The following FCRL3 variants were observed in gnomAD, a reference collection of about 807,000 sequenced individuals.
FCRL3 encodes the protein Fc receptor like 3, also known as Fc receptor-like protein 3.
In FCRL3, 89 loss-of-function variants were observed where a neutral mutation model predicts 75.0. The ratio of observed to expected loss-of-function variants is 1.19; its 90% CI spans 1.00 to 1.42. The LOEUF is 1.42. FCRL3 is among the 40% of genes most tolerant of loss of function. The pLI, the probability that FCRL3 is intolerant of heterozygous loss-of-function variation, is 0.00. For synonymous variants in FCRL3, 376 were observed against 348.5 expected (o/e 1.08, Z -0.88); for missense variants, 946 against 880.0 (o/e 1.07, Z -0.95).
chr1:157,691,071 A>T (rs1046159959), intron 8 of FCRL3, among the ~76,000 whole-genome samples: 2 of 152,064 alleles, frequency 1.3e-5, no homozygotes, highest in African/African-American at 2.4e-5. Flanking sequence ...ATGATTCCCC[A>T]ATAGGATGGA....
At chr1:157,695,694 C>T (rs750889825) in intron 7 of FCRL3, 87 bp from the exon 8 acceptor site, 38 of 1,401,044 alleles carry the variant, frequency 2.7e-5, no homozygotes, top group Non-Finnish European at 3.4e-5. Flanking sequence ...TGGATATGTC[C>T]CTTGTCCCTT....
In FCRL3 at chr1:157,690,553, T is replaced by A; in HGVS notation, c.1412-20A>T. 1 of 1,611,452 alleles carries A rather than the reference T, an allele frequency of 6.2e-7. No homozygotes were observed. On this transcript the variant is annotated intron_variant, in intron 8 of 14. Transcript: ENST00000368184. ...CCGGAACTGAGGGAGGAAAAATAGTTCACTGGCAGTTTTACTTAAGTAGGT... is the reference window on the plus strand; with the variant it reads ...CCGGAACTGAGGGAGGAAAAATAGTACACTGGCAGTTTTACTTAAGTAGGT...
At position 157,677,125 on chromosome 1, in the gene FCRL3, G is replaced by GGGAGCA; in HGVS notation, c.*1579_*1584dup. On this transcript the variant is annotated 3_prime_UTR_variant, in exon 15 of 15. Coordinates refer to ENST00000368184, the MANE Select transcript of FCRL3 (RefSeq NM_052939.4). ...CAGGATAAGGGTAACAGAGGCCAGT[G>GGGAGCA]GGAGCAGTGTGGATTGATCATCACA... 9.4e-7 allele frequency: 1 copy of GGGAGCA among 1,068,332 alleles called. No homozygotes were observed. Among genetic ancestry groups the GGGAGCA allele is most frequent in the Non-Finnish European group, 1.1e-6 (1 of 877,032 alleles). 66.2% of individuals were successfully genotyped at this position (1,068,332 alleles called of 1,614,324 possible). A position where few individuals can be genotyped will look rare whatever the true frequency, so the allele number is the denominator to read the frequency against.
In FCRL3 at chr1:157,677,672, T is replaced by TA. The variant is rs1214350875; in HGVS notation, c.*1037dup. On this transcript the variant is annotated 3_prime_UTR_variant, in exon 15 of 15. Coordinates refer to ENST00000368184, the MANE Select transcript of FCRL3 (RefSeq NM_052939.4). The stretch of plus-strand genomic sequence containing the variant: ...AACAGCAATAAAAACAAATGAACTA[T>TA]AGCAACACGCAACAATATGGATGAA... 3 of 880,002 alleles carry TA rather than the reference T, an allele frequency of 3.4e-6. No homozygotes were observed. The allele number at this position is 880,002 out of a possible 1,614,324, so 54.5% of individuals were successfully genotyped here.
intron 8 of FCRL3, chr1:157,691,994 T>C (rs1350001381): frequency 1.3e-5 from 2 of 152,186 alleles, no homozygotes; most frequent in African/African-American, 4.8e-5. Flanking sequence ...TATTCAGCTT[T>C]ACTAATATTC....
chr1:157,681,246 TTTA>T, intron 11 of FCRL3, 147 bp from the exon 12 acceptor site: 2 of 439,896 alleles, frequency 4.5e-6, no homozygotes, highest in Non-Finnish European at 7.9e-6. Context: ...TTTTTTTAAT[TTTA>T]TTATTATTAT....
At position 157,677,410 on chromosome 1, in the gene FCRL3, G is replaced by T. The variant is rs1654527858; in HGVS notation, c.*1300C>A. ...GTGTTCCTACATGAACCAAGTGAAG[G>T]CCTAGAATTGGCAACATTCAGAGAT... On this transcript the variant is annotated 3_prime_UTR_variant, in exon 15 of 15. Transcript: ENST00000368184. The T allele has an allele frequency of 2.0e-6, 2 of 985,514 alleles. No homozygotes were observed. The highest frequency in any genetic ancestry group is 2.4e-6 in the Non-Finnish European group (2 of 830,010). 61.0% of individuals were successfully genotyped at this position (985,514 alleles called of 1,614,324 possible).
chr1:157,680,684 G>T lies in FCRL3; in HGVS notation c.2026+18C>A, dbSNP rs1400667488. The stretch of plus-strand genomic sequence containing the variant: ...AAACACTGCCACCTCACCTCTATTT[G>T]CCTGAAAGGCATCTTACCTGAGTTT... On this transcript the variant is annotated intron_variant, in intron 13 of 14. Coordinates refer to ENST00000368184, the MANE Select transcript of FCRL3 (RefSeq NM_052939.4). 2 of 1,610,800 alleles carry T rather than the reference G, an allele frequency of 1.2e-6. No individual in the cohort carries two copies.
intron 13 of FCRL3, among the ~76,000 whole-genome samples, chr1:157,680,227 GGCAAAGATCAT>G (rs1439914925): frequency 3.3e-5 from 5 of 152,152 alleles, no homozygotes; most frequent in Non-Finnish European, 7.3e-5. Flanking sequence ...GCGTGCAGAA[GGCAAAGATCAT>G]GCTTTGGAAT....
At chr1:157,683,487 G>A (rs1297808815) in intron 10 of FCRL3, among the ~76,000 whole-genome samples, 1 of 152,130 alleles carries the variant, frequency 6.6e-6, no homozygotes, top group East Asian at 1.9e-4. Context: ...TCAGTAATAG[G>A]TGAATAGCAA....
rs1654555994 is a variant in FCRL3 at position 157,677,829 on chromosome 1, T to A, written c.*881A>T. 1.8e-6 allele frequency: 1 copy of A among 544,846 alleles called. No homozygotes were observed. The highest frequency in any genetic ancestry group is 6.4e-5 in the Admixed American group (1 of 15,672). The allele number at this position is 544,846 out of a possible 1,614,324, so 33.8% of individuals were successfully genotyped here. On this transcript the variant is annotated 3_prime_UTR_variant, in exon 15 of 15. Transcript: ENST00000368184. The stretch of plus-strand genomic sequence containing the variant: ...TGTAGATACATTAATATGATAGAAA[T>A]AGGAGAGCATGGGAATAATGAACAT...
chr1:157,681,077 C>T lies in FCRL3; in HGVS notation c.1861G>A (p.Glu621Lys), dbSNP rs1372369229. The T allele has an allele frequency of 6.3e-7, 1 of 1,597,972 alleles. No homozygotes were observed. Among genetic ancestry groups the T allele is most frequent in the Non-Finnish European group, 8.5e-7 (1 of 1,174,750 alleles). The stretch of plus-strand genomic sequence containing the variant: ...CTGGAAGGCCTGGACGAGGAAGGCT[C>T]CTGACACTCACTAGGACTGTGACTG... ...TSSHSPSECQ[E>K]PSSSRPSRID... The change falls in exon 12 of 15, where the codon GAG becomes AAG. Residue 621 changes from glutamate to lysine, a missense_variant. Coordinates refer to ENST00000368184, the MANE Select transcript of FCRL3 (RefSeq NM_052939.4).
chr1:157,676,632 AATTTGCAC>A lies in FCRL3; in HGVS notation c.*2070_*2077del, dbSNP rs1654471988. 1 of 1,316,194 alleles carries A rather than the reference AATTTGCAC, an allele frequency of 7.6e-7. No homozygotes were observed. The highest frequency in any genetic ancestry group is 2.0e-5 in the Admixed American group (1 of 49,228). The allele number at this position is 1,316,194 out of a possible 1,614,324, so 81.5% of individuals were successfully genotyped here. A position where few individuals can be genotyped will look rare whatever the true frequency, so the allele number is the denominator to read the frequency against. ...TTCATTTTACAGGGCAATCAATCAG[AATTTGCAC>A]ATTTGTTATATCCGAGATGTACAGT... On this transcript the variant is annotated 3_prime_UTR_variant, in exon 15 of 15. Coordinates refer to ENST00000368184, the MANE Select transcript of FCRL3 (RefSeq NM_052939.4).
At position 157,697,939 on chromosome 1, in the gene FCRL3, A is replaced by C. The variant is rs757532565; in HGVS notation, c.299-20T>G. 6.2e-7 allele frequency: 1 copy of C among 1,610,692 alleles called. No homozygotes were observed. Among genetic ancestry groups the C allele is most frequent in the Non-Finnish European group, 8.5e-7 (1 of 1,178,760 alleles). On this transcript the variant is annotated intron_variant, in intron 4 of 14. Transcript: ENST00000368184. ...GCCAGTCTGCAAAGAGCACAGGAGC[A>C]CACTCAGGTTATCCCCTGCTGTTTC... is the stretch of plus-strand genomic sequence containing the variant.
At position 157,698,605 on chromosome 1, in the gene FCRL3, A is replaced by C; in HGVS notation, c.77T>G (p.Leu26Arg). 2 of 1,614,046 alleles carry C rather than the reference A, an allele frequency of 1.2e-6. No individual in the cohort carries two copies. The change falls in exon 4 of 15, where the codon CTC becomes CGC. Residue 26 changes from leucine (L) to arginine (R), a missense_variant. Coordinates refer to ENST00000368184, the MANE Select transcript of FCRL3 (RefSeq NM_052939.4). Reference sequence around the variant, plus strand: ...GGCTGTGGACCATGGAGGATTGAGGAGAAGTACAGCTTTTGGGGCCACCCC... The same window carrying C: ...GGCTGTGGACCATGGAGGATTGAGGCGAAGTACAGCTTTTGGGGCCACCCC... ...QSGVAPKAVL[L>R]LNPPWSTAFK...
chr1:157,691,488 A>C (rs1413046980), intron 8 of FCRL3, among the ~76,000 whole-genome samples: 1 of 152,182 alleles, frequency 6.6e-6, no homozygotes, highest in African/African-American at 2.4e-5. Context: ...ACTGAATGGC[A>C]ATGATTAAAC....
chr1:157,683,719 C>T (rs1654993766), intron 10 of FCRL3, among the ~76,000 whole-genome samples: 1 of 152,174 alleles, frequency 6.6e-6, no homozygotes, highest in African/African-American at 2.4e-5. Flanking sequence ...TGACCCCTCA[C>T]CCCTGCAAGT....
At chr1:157,699,741 A>G (rs1656193067) in intron 2 of FCRL3, 29 bp from the exon 3 acceptor site, 2 of 1,611,884 alleles carry the variant, frequency 1.2e-6, no homozygotes, top group East Asian at 4.5e-5. Flanking sequence ...TGACAATCAG[A>G]CACTCTCCGA....
chr1:157,698,036 C>T, intron 4 of FCRL3, 117 bp from the exon 5 acceptor site: 1 of 1,216,286 alleles, frequency 8.2e-7, no homozygotes, highest in Non-Finnish European at 1.1e-6. Context: ...GGCCCCCACC[C>T]ACATTGCCAT....
Sources: gnomAD v4.1 joint callset for allele counts (sites outside exome capture counted in the v4.1 genomes callset) on GRCh38, gnomAD v4.1.1 for gene constraint, MANE v1.5 for transcripts, NCBI Gene and HGNC (gene_info 2026-07-23, HGNC 2026-07-21) for gene names.